Variants in PYY observed in about 807,000 individuals in gnomAD.
PYY encodes the protein peptide YY.
Under a neutral mutation model 10.3 loss-of-function variants are expected in PYY, and 12 were observed. The ratio of observed to expected loss-of-function variants is 1.17; its 90% CI spans 0.75 to 1.89. The LOEUF is 1.89. PYY is among the 40% of genes most tolerant of loss of function. PYY has a pLI of 0.00. For missense variants in PYY, 141 were observed against 134.0 expected (o/e 1.05, Z -0.26); for synonymous variants, 66 against 62.0 (o/e 1.06, Z -0.30).
Position 43,995,847 on chromosome 17 carries a change from C to T in PYY, c.-463+8544G>A, listed in dbSNP as rs983391262. ...TCTCAATGAAAAAAAAAAAAAAAAA[C>T]GAAAAGAAGAGAAATGCAGGCATGC... is the stretch of plus-strand genomic sequence containing the variant. On this transcript the variant is annotated intron_variant, in intron 1 of 6. Coordinates refer to the PYY transcript ENST00000360085. 3.5e-4 allele frequency among the ~76,000 whole-genome samples: 44 copies of T among 124,984 alleles called. 1 individual carries two copies. Among genetic ancestry groups the T allele is most frequent in the Middle Eastern group, 9.3e-3 (2 of 214 alleles). 82.0% of individuals were successfully genotyped at this position (124,984 alleles called of 152,430 possible).
intron 1 of PYY, among the ~76,000 whole-genome samples, chr17:43,991,249 G>A (rs1233689392): frequency 6.6e-6 from 1 of 151,740 alleles, no homozygotes; most frequent in African/African-American, 2.4e-5. Flanking sequence ...GGCCAACATG[G>A]TGAAACCCTG....
At chr17:43,956,114 A>G (rs1200069249), upstream of PYY, among the ~76,000 whole-genome samples, 1 of 152,042 alleles carries the variant, frequency 6.6e-6, no homozygotes, top group Non-Finnish European at 1.5e-5. Context: ...ATGGGAAGAG[A>G]GGAGAGACAC....
In PYY at chr17:43,987,013, C is replaced by T. The variant is rs1032340483; in HGVS notation, c.-463+17378G>A. Among the ~76,000 whole-genome samples the T allele has an allele frequency of 6.6e-6, 1 of 152,182 alleles. No individual in the cohort carries two copies. Among genetic ancestry groups the T allele is most frequent in the South Asian group, 2.1e-4 (1 of 4,832 alleles). On this transcript the variant is annotated intron_variant, in intron 1 of 6. Transcript: ENST00000360085. This position sits in a 1 kb window ranked among gnomAD's most constrained non-coding sequence, Gnocchi z 4.0. The stretch of plus-strand genomic sequence containing the variant: ...TGCCCAAGTTCCTACAGCAAGTCAA[C>T]GGCAACACCAGGGCTCAGCTCAGGC...
At chr17:43,998,700 C>T (rs1013415407) in intron 1 of PYY, among the ~76,000 whole-genome samples, 6 of 151,962 alleles carry the variant, frequency 3.9e-5, no homozygotes, top group African/African-American at 1.5e-4. Context: ...TCCCAAGTAG[C>T]CAGGATTACA....
chr17:43,990,894 C>T (rs571431233), intron 1 of PYY, among the ~76,000 whole-genome samples: 4 of 149,990 alleles, frequency 2.7e-5, no homozygotes, highest in Non-Finnish European at 5.9e-5. Flanking sequence ...CCCGGGTTCA[C>T]GCCATTCTCC....
chr17:43,953,375 G>T lies in PYY; in HGVS notation c.109C>A (p.Arg37Ser), dbSNP rs229969. Reference sequence around the variant, plus strand: ...AGCTCCTCCGGCGAGGCGTCTTCGCGGGGAGCCTCGGGTTTGATGGGGTAG... The same window carrying T: ...AGCTCCTCCGGCGAGGCGTCTTCGCTGGGAGCCTCGGGTTTGATGGGGTAG... ...DAYPIKPEAP[R>S]EDASPEELNR... is the part of the protein sequence containing the mutation. The change falls in exon 2 of 4, where the codon CGC becomes AGC. Residue 37 changes from arginine (R) to serine (S), a missense_variant. Physicochemically the swap from Arg to Ser is moderately radical, Grantham distance 110. Transcript: ENST00000692052. The T allele has an allele frequency of 3.1e-6, 5 of 1,612,346 alleles. No homozygotes were observed. Among genetic ancestry groups the T allele is most frequent in the Admixed American group, 1.7e-5 (1 of 59,812 alleles).
chr17:44,003,488 C>G (rs574485125), intron 1 of PYY, among the ~76,000 whole-genome samples: 4 of 151,890 alleles, frequency 2.6e-5, no homozygotes, highest in South Asian at 2.1e-4. Flanking sequence ...AACCCTGTCT[C>G]TACTAAAAAT....
intron 1 of PYY, among the ~76,000 whole-genome samples, chr17:43,989,245 G>A (rs958563345): frequency 9.2e-5 from 14 of 151,910 alleles, no homozygotes; most frequent in Admixed American, 1.3e-4. Flanking sequence ...GTGGTGGCGG[G>A]CGCCTGTAGT....
chr17:43,953,766 TC>T (rs2048652993), intron 1 of PYY, 83 bp downstream of exon 1: 1 of 284,946 alleles, frequency 3.5e-6, no homozygotes, highest in African/African-American at 2.4e-5. Flanking sequence ...TTCCTACCAC[TC>T]ACCCCCAGCT....
intron 1 of PYY, among the ~76,000 whole-genome samples, chr17:44,000,213 G>A (rs566884075): frequency 7.8e-4 from 119 of 152,248 alleles, no homozygotes; most frequent in African/African-American, 2.7e-3. Context: ...GAGACCAGGC[G>A]TCGAGGTTGT....
chr17:43,952,931 A>T lies in PYY; in HGVS notation c.*25T>A, dbSNP rs147073519. The T allele has an allele frequency of 9.5e-5, 146 of 1,532,228 alleles. No homozygotes were observed. The highest frequency in any genetic ancestry group is 1.2e-4 in the Non-Finnish European group (142 of 1,144,594). 94.9% of individuals were successfully genotyped at this position (1,532,228 alleles called of 1,614,324 possible). A position where few individuals can be genotyped will look rare whatever the true frequency, so the allele number is the denominator to read the frequency against. On this transcript the variant is annotated 3_prime_UTR_variant, in exon 4 of 4. Coordinates refer to ENST00000692052, the MANE Select transcript of PYY (RefSeq NM_001394028.1). ...CAAATGACGTGGGCGTGGTTGGCAG[A>T]TCTCCCAGGAGGCCTCAGGGGTCCT...
Position 43,960,710 on chromosome 17 carries a change from C to T in PYY, c.-217-2682G>A, listed in dbSNP as rs1006679792. Reference sequence around the variant, plus strand: ...CAAAAATACAAAAAAATTAGTCAGGCATGGTGGCGGGTGCCTGTAATCCCA... The same window carrying T: ...CAAAAATACAAAAAAATTAGTCAGGTATGGTGGCGGGTGCCTGTAATCCCA... On this transcript the variant is annotated intron_variant, in intron 2 of 6. Transcript: ENST00000360085. Among the ~76,000 whole-genome samples, 2 of 151,448 alleles carry T rather than the reference C, an allele frequency of 1.3e-5. 1 individual carries two copies. Among genetic ancestry groups the T allele is most frequent in the South Asian group, 4.2e-4 (2 of 4,782 alleles).
In PYY at chr17:43,953,360, G is replaced by A. The variant is rs751368704; in HGVS notation, c.124C>T (p.Pro42Ser). 11 of 1,612,334 alleles carry A rather than the reference G, an allele frequency of 6.8e-6. No homozygotes were observed. The highest frequency in any genetic ancestry group is 5.0e-5 in the Admixed American group (3 of 59,844). Residue 42 changes from proline (P) to serine (S), a missense_variant, in exon 2 of 4, where the codon CCG becomes TCG. Transcript: ENST00000692052. ...GCGTAGTAGCGGTTCAGCTCCTCCG[G>A]CGAGGCGTCTTCGCGGGGAGCCTCG... Reference protein sequence around the residue: ...KPEAPREDASPEELNRYYASL... With the variant: ...KPEAPREDASSEELNRYYASL...
chr17:43,953,983 G>A (rs2048655025), upstream of PYY: 1 of 154,322 alleles, frequency 6.5e-6, no homozygotes, highest in South Asian at 2.0e-4. Flanking sequence ...CGCCTGGAAA[G>A]GGAGGGGGAG....
At chr17:43,976,238 TATATATACAC>T (rs1310890266) in intron 1 of PYY, among the ~76,000 whole-genome samples, 27 of 140,488 alleles carry the variant, frequency 1.9e-4, no homozygotes, top group African/African-American at 7.5e-4. Context: ...TACATATGCG[TATATATACAC>T]ATATGTATAC....
chr17:43,959,669 G>A (rs572312766), intron 2 of PYY, among the ~76,000 whole-genome samples: 19 of 152,298 alleles, frequency 1.2e-4, no homozygotes, highest in South Asian at 1.2e-3. Flanking sequence ...GTGACAGAGC[G>A]AGACTACGTC....
chr17:43,954,394 C>A (rs1438116459), upstream of PYY, among the ~76,000 whole-genome samples: 1 of 152,180 alleles, frequency 6.6e-6, no homozygotes, highest in African/African-American at 2.4e-5. Flanking sequence ...AGCCTCTGTT[C>A]AGTAATACCT....
chr17:43,991,206 G>T (rs1271985702), intron 1 of PYY, among the ~76,000 whole-genome samples: 1 of 151,946 alleles, frequency 6.6e-6, no homozygotes, highest in Non-Finnish European at 1.5e-5. Context: ...GAGGCAGGTA[G>T]ATCACCTGAG....
At chr17:43,979,789 G>A (rs1319687282) in intron 1 of PYY, among the ~76,000 whole-genome samples, 1 of 151,860 alleles carries the variant, frequency 6.6e-6, no homozygotes, top group Non-Finnish European at 1.5e-5. Context: ...CCCAGGAATA[G>A]AAGAGGGGGA....
Sources: gnomAD v4.1 joint callset for allele counts (sites outside exome capture counted in the v4.1 genomes callset) on GRCh38, gnomAD v4.1.1 for gene constraint, Gnocchi (gnomAD v3.1) non-coding constraint, MANE v1.5 for transcripts, NCBI Gene and HGNC (gene_info 2026-07-23, HGNC 2026-07-21) for gene names.